Variants in AKR1C1 observed in about 807,000 individuals in gnomAD.
AKR1C1 encodes 20 alpha-hydroxysteroid dehydrogenase.
Under a neutral mutation model 40.6 loss-of-function variants are expected in AKR1C1, and 32 were observed. The observed-to-expected ratio is 0.79, with a 90% CI of 0.60 to 1.06. AKR1C1 has a LOEUF of 1.06. Ranked by LOEUF, AKR1C1 falls within the 50% of genes least tolerant of loss-of-function variation. The pLI, the probability that AKR1C1 is intolerant of heterozygous loss-of-function variation, is 0.00. For missense variants in AKR1C1, 320 were observed against 363.5 expected (o/e 0.88, Z 0.97); for synonymous variants, 105 against 134.2 (o/e 0.78, Z 1.50).
At position 4,979,192 on chromosome 10, in the gene AKR1C1, A is replaced by T. The variant is rs1836575844; in HGVS notation, c.*1450A>T. ...ATTCTATAAAATTGGAGTAGGCCATAAACTTTGGAGGGCCCTAGACCAATT... is the reference window on the plus strand; with the variant it reads ...ATTCTATAAAATTGGAGTAGGCCATTAACTTTGGAGGGCCCTAGACCAATT... On this transcript the variant is annotated 3_prime_UTR_variant, in exon 9 of 9. Coordinates refer to ENST00000380872, the MANE Select transcript of AKR1C1 (RefSeq NM_001353.6). 1 of 152,178 alleles carries T rather than the reference A, an allele frequency of 6.6e-6. No individual in the cohort carries two copies. The highest frequency in any genetic ancestry group is 2.1e-4 in the South Asian group (1 of 4,832). 9.4% of individuals were successfully genotyped at this position (152,178 alleles called of 1,614,324 possible).
rs142153903 is a variant in AKR1C1, at chr10:4,964,861, A to C, written c.85-1053A>C. Among the ~76,000 whole-genome samples the C allele has an allele frequency of 4.6e-3, 706 of 152,306 alleles. 8 individuals carry two copies. The highest frequency in any genetic ancestry group is 0.016 in the African/African-American group (671 of 41,560). The stretch of plus-strand genomic sequence containing the variant: ...GTGTAGAAAAGACTTGACATAATAG[A>C]CTGCTATCCATAGACAGGCCTGTTT... On this transcript the variant is annotated intron_variant, in intron 1 of 8. Coordinates refer to ENST00000380872, the MANE Select transcript of AKR1C1 (RefSeq NM_001353.6).
chr10:4,979,756 G>A lies in AKR1C1; in HGVS notation c.*2014G>A, dbSNP rs1836588242. ...AAAAAGTTACTCAGAATTTCATAAA[G>A]CCAAACACCTGATTTCAGGAACACT... is the stretch of plus-strand genomic sequence containing the variant. On this transcript the variant is annotated 3_prime_UTR_variant, in exon 9 of 9. Coordinates refer to ENST00000380872, the MANE Select transcript of AKR1C1 (RefSeq NM_001353.6). 6.6e-6 allele frequency: 1 copy of A among 151,666 alleles called. No homozygotes were observed. The highest frequency in any genetic ancestry group is 2.1e-4 in the South Asian group (1 of 4,794). 9.4% of individuals were successfully genotyped at this position (151,666 alleles called of 1,614,324 possible). A position where few individuals can be genotyped will look rare whatever the true frequency, so the allele number is the denominator to read the frequency against.
chr10:4,972,133 C>G (rs1429688546), intron 5 of AKR1C1, 68 bp from the exon 6 acceptor site: 1 of 1,599,998 alleles, frequency 6.3e-7, no homozygotes, highest in Non-Finnish European at 8.5e-7. Context: ...GCTTCTTTTA[C>G]TTTGGTGATT....
chr10:4,971,484 C>T (rs1836425606), intron 5 of AKR1C1, among the ~76,000 whole-genome samples: 1 of 141,730 alleles, frequency 7.1e-6, no homozygotes, highest in Admixed American at 7.3e-5. Flanking sequence ...TTAATGCTCA[C>T]ATCTACTCAG....
At chr10:4,975,275 A>C (rs545430082) in intron 7 of AKR1C1, among the ~76,000 whole-genome samples, 1 of 151,876 alleles carries the variant, frequency 6.6e-6, no homozygotes, top group Non-Finnish European at 1.5e-5. Context: ...CAGTTTCCCT[A>C]TGGATTTATA....
Position 4,979,583 on chromosome 10 carries a change from C to G in AKR1C1, c.*1841C>G, listed in dbSNP as rs1836584445. ...GTGAAGTGTGTAACGCTTAAGCAAACTTTCATATTTCAAATCTCTTTAGCA... is the reference window on the plus strand; with the variant it reads ...GTGAAGTGTGTAACGCTTAAGCAAAGTTTCATATTTCAAATCTCTTTAGCA... On this transcript the variant is annotated 3_prime_UTR_variant, in exon 9 of 9. Transcript: ENST00000380872. 3 of 152,114 alleles carry G rather than the reference C, an allele frequency of 2.0e-5. No homozygotes were observed. The highest frequency in any genetic ancestry group is 2.0e-4 in the Admixed American group (3 of 15,268). 9.4% of individuals were successfully genotyped at this position (152,114 alleles called of 1,614,324 possible). A position where few individuals can be genotyped will look rare whatever the true frequency, so the allele number is the denominator to read the frequency against.
In AKR1C1 at chr10:4,979,321, T is replaced by C. The variant is rs1836579036; in HGVS notation, c.*1579T>C. The C allele has an allele frequency of 6.6e-6, 1 of 152,192 alleles. No individual in the cohort carries two copies. Among genetic ancestry groups the C allele is most frequent in the Admixed American group, 6.6e-5 (1 of 15,266 alleles). The allele number at this position is 152,192 out of a possible 1,614,324, so 9.4% of individuals were successfully genotyped here. A position where few individuals can be genotyped will look rare whatever the true frequency, so the allele number is the denominator to read the frequency against. ...GCTGAAAAATCCCCCTAAAAATATT[T>C]CTAGCTCAGATTTTTCCTCCAAATT... On this transcript the variant is annotated 3_prime_UTR_variant, in exon 9 of 9. Transcript: ENST00000380872.
At chr10:4,974,468 T>C (rs533169532) in intron 7 of AKR1C1, among the ~76,000 whole-genome samples, 2 of 152,202 alleles carry the variant, frequency 1.3e-5, no homozygotes, top group Admixed American at 1.3e-4. Flanking sequence ...CTCTTTCTTG[T>C]GGTTGGTGAG....
intron 7 of AKR1C1, among the ~76,000 whole-genome samples, chr10:4,975,513 A>G (rs533752358): frequency 2.8e-4 from 43 of 152,316 alleles, no homozygotes; most frequent in East Asian, 7.7e-4. Flanking sequence ...GCTAGACATT[A>G]CAAAATTTGC....
chr10:4,974,474 G>T (rs1428600625), intron 7 of AKR1C1, among the ~76,000 whole-genome samples: 3 of 151,818 alleles, frequency 2.0e-5, no homozygotes, highest in Non-Finnish European at 2.9e-5. Flanking sequence ...CTTGTGGTTG[G>T]TGAGTGTTGT....
At position 4,968,811 on chromosome 10, in the gene AKR1C1, C is replaced by T. The variant is rs774163276; in HGVS notation, c.448-11C>T. 1 of 1,613,912 alleles carries T rather than the reference C, an allele frequency of 6.2e-7. No individual in the cohort carries two copies. The highest frequency in any genetic ancestry group is 1.1e-5 in the South Asian group (1 of 91,074). Reference sequence around the variant, plus strand: ...CTTGATCTTCCACACCTCACAATTCCTTTTTCCCAGGCCGTGGAGAAGTGT... The same window carrying T: ...CTTGATCTTCCACACCTCACAATTCTTTTTTCCCAGGCCGTGGAGAAGTGT... On this transcript the variant is annotated splice_polypyrimidine_tract_variant and intron_variant, in intron 4 of 8. Coordinates refer to ENST00000380872, the MANE Select transcript of AKR1C1 (RefSeq NM_001353.6).
chr10:4,965,918 C>T lies in AKR1C1; in HGVS notation c.89C>T (p.Pro30Leu), dbSNP rs1298119095. Residue 30 changes from proline to leucine, a missense_variant, in exon 2 of 9, where the codon CCT becomes CTT. This residue lies in a region of AKR1C1 where 214 missense variants were observed against 214.8 expected (regional missense o/e 1.00). Coordinates refer to ENST00000380872, the MANE Select transcript of AKR1C1 (RefSeq NM_001353.6). Reference protein sequence around the residue: ...GFGTYAPAEVPKSKALEATKL... With the variant: ...GFGTYAPAEVLKSKALEATKL... ...TACCTATGGTTACTCCCCCAGGTTC[C>T]TAAAAGTAAAGCTTTAGAGGCCACC... The T allele has an allele frequency of 1.2e-6, 2 of 1,613,216 alleles. No homozygotes were observed. Among genetic ancestry groups the T allele is most frequent in the African/African-American group, 2.7e-5 (2 of 74,864 alleles).
At chr10:4,976,420 T>C (rs1210366959) in intron 8 of AKR1C1, among the ~76,000 whole-genome samples, 2 of 152,062 alleles carry the variant, frequency 1.3e-5, no homozygotes, top group African/African-American at 2.4e-5. Context: ...ATCCTGTCGA[T>C]TTAGCATTTT....
intron 8 of AKR1C1, among the ~76,000 whole-genome samples, chr10:4,976,306 G>T (rs1302513374): frequency 6.6e-6 from 1 of 152,106 alleles, no homozygotes; most frequent in Non-Finnish European, 1.5e-5. Context: ...CTTCTATCTT[G>T]TTCTTCCCAA....
intron 7 of AKR1C1, among the ~76,000 whole-genome samples, chr10:4,974,841 ACTT>A (rs1836501225): frequency 6.6e-6 from 1 of 152,050 alleles, no homozygotes; most frequent in Admixed American, 6.6e-5. Flanking sequence ...TATTTTTCTA[ACTT>A]CTTCATTTAT....
At chr10:4,965,733 G>A (rs1423219083) in intron 1 of AKR1C1, 181 bp from the exon 2 acceptor site, 12 of 636,612 alleles carry the variant, frequency 1.9e-5, no homozygotes, top group South Asian at 1.2e-4. Flanking sequence ...AGTTCCTGCT[G>A]TGCCCAACCT....
intron 8 of AKR1C1, among the ~76,000 whole-genome samples, chr10:4,976,915 G>A (rs1836534248): frequency 6.6e-6 from 1 of 152,160 alleles, no homozygotes; most frequent in Admixed American, 6.5e-5. Flanking sequence ...AAGGAAAAGT[G>A]GCAAGCATTA....
At chr10:4,972,351 G>T in intron 6 of AKR1C1, 41 bp downstream of exon 6, 1 of 1,551,718 alleles carries the variant, frequency 6.4e-7, no homozygotes, top group Non-Finnish European at 8.7e-7. Context: ...ACACCGGTTT[G>T]ATAAAAAAAA....
intron 5 of AKR1C1, among the ~76,000 whole-genome samples, chr10:4,971,120 G>C (rs1836420137): frequency 6.6e-6 from 1 of 151,964 alleles, no homozygotes; most frequent in African/African-American, 2.4e-5. Flanking sequence ...GTATACATCA[G>C]TGATTTGAAC....
Sources: allele counts gnomAD v4.1 joint callset (sites outside exome capture counted in the v4.1 genomes callset), GRCh38; gene constraint gnomAD v4.1.1; regional missense constraint gnomAD v4.1.1; transcripts MANE v1.5; gene names NCBI Gene and HGNC (gene_info 2026-07-23, HGNC 2026-07-21).